The following ASTN2 variants were observed in gnomAD, a reference collection of about 807,000 sequenced individuals.
ASTN2 encodes astrotactin-2.
A neutral mutation model predicts 139.8 loss-of-function variants in ASTN2; 54 were observed. That is an observed-to-expected ratio of 0.39 (90% CI 0.31 to 0.48). The LOEUF (loss-of-function observed/expected upper bound fraction) is 0.48, where lower values mean the gene tolerates loss of function less well. Among genes scored for constraint, ASTN2 ranks in the 20% least tolerant of loss-of-function variants. The pLI, the probability that ASTN2 is intolerant of heterozygous loss-of-function variation, is 0.95. For missense variants in ASTN2, 1,565 were observed against 1,725.1 expected (o/e 0.91, Z 1.64); for synonymous variants, 756 against 719.5 (o/e 1.05, Z -0.81).
intron 5 of ASTN2, among the ~76,000 whole-genome samples, chr9:117,070,693 G>C (rs1221956849): frequency 6.8e-6 from 1 of 146,454 alleles, no homozygotes; most frequent in East Asian, 2.0e-4. Context: ...ATATTTCTTG[G>C]AGGCTTTGCT....
At chr9:116,830,986 G>C (rs914716318) in intron 11 of ASTN2, among the ~76,000 whole-genome samples, 4 of 148,540 alleles carry the variant, frequency 2.7e-5, no homozygotes, top group Non-Finnish European at 4.5e-5. Flanking sequence ...CCCACCCACA[G>C]ACACACCATG....
chr9:117,364,736 GA>G (rs1353075092), intron 1 of ASTN2, among the ~76,000 whole-genome samples: 1 of 151,958 alleles, frequency 6.6e-6, no homozygotes, highest in Non-Finnish European at 1.5e-5. Context: ...CTTAAGTTAC[GA>G]AGTCTATCAG....
chr9:117,234,889 G>A (rs559110693), intron 2 of ASTN2, among the ~76,000 whole-genome samples: 17 of 152,278 alleles, frequency 1.1e-4, no homozygotes, highest in African/African-American at 3.8e-4. Context: ...ATATATCAGC[G>A]ATTTCAAGGG....
intron 19 of ASTN2, among the ~76,000 whole-genome samples, chr9:116,523,211 T>A (rs1850952759): frequency 1.3e-5 from 2 of 152,130 alleles, no homozygotes; most frequent in South Asian, 4.1e-4. Flanking sequence ...ACCTTTTTTT[T>A]TTTTTAACGA....
At chr9:117,394,514 A>C (rs183349765) in intron 1 of ASTN2, among the ~76,000 whole-genome samples, 86 of 152,318 alleles carry the variant, frequency 5.6e-4, no homozygotes, top group African/African-American at 2.0e-3. Context: ...AGATAAATAA[A>C]GTGTCCTGAA....
rs569285256 is a variant in ASTN2, at chr9:117,394,985, C to T, written c.442+19512G>A. 5.4e-4 allele frequency among the ~76,000 whole-genome samples: 82 copies of T among 152,046 alleles called. 2 individuals are homozygous for T. The highest frequency in any genetic ancestry group is 1.0e-4 in the Non-Finnish European group (7 of 67,994). On this transcript the variant is annotated intron_variant, in intron 1 of 22. Coordinates refer to ENST00000313400, the MANE Select transcript of ASTN2 (RefSeq NM_001365068.1). ...GGGAGAGTGATGAGGGTGGTGGAAA[C>T]GAGGAAAGAGCATGGGGGAAATGAG...
chr9:116,751,427 T>A (rs1829399442), intron 13 of ASTN2, among the ~76,000 whole-genome samples: 1 of 152,208 alleles, frequency 6.6e-6, no homozygotes, highest in Non-Finnish European at 1.5e-5. Flanking sequence ...TCCTGATATG[T>A]AATGGGGACA....
chr9:116,729,099 G>A lies in ASTN2; in HGVS notation c.2522-3C>T, dbSNP rs56283051. Reference sequence around the variant, plus strand: ...GGCCTCATCATACCTGATATCTCCTGGGAGAGAAAATAAGATGGTCACGTG... The same window carrying A: ...GGCCTCATCATACCTGATATCTCCTAGGAGAGAAAATAAGATGGTCACGTG... On this transcript the variant is annotated splice_region_variant and splice_polypyrimidine_tract_variant and intron_variant, in intron 14 of 22. Coordinates refer to ENST00000313400, the MANE Select transcript of ASTN2 (RefSeq NM_001365068.1). 8.4e-3 allele frequency: 13,205 copies of A among 1,575,526 alleles called. 952 individuals carry two copies. In the African/African-American group the frequency reaches 0.16, roughly 19 times the overall value.
intron 11 of ASTN2, among the ~76,000 whole-genome samples, chr9:116,827,241 G>A (rs1417108202): frequency 1.3e-5 from 2 of 150,758 alleles, no homozygotes; most frequent in Admixed American, 1.3e-4. Flanking sequence ...CCCAGGAGGC[G>A]GAGGTTGCAA....
At chr9:117,180,550 T>C (rs771762916) in intron 3 of ASTN2, 2 of 688,494 alleles carry the variant, frequency 2.9e-6, no homozygotes, top group Non-Finnish European at 4.9e-6. Context: ...TATCCATATT[T>C]CAGCACACTC....
chr9:116,982,665 A>G (rs1197975725), intron 7 of ASTN2, among the ~76,000 whole-genome samples: 1 of 152,094 alleles, frequency 6.6e-6, no homozygotes, highest in Non-Finnish European at 1.5e-5. Flanking sequence ...TTTTGGGCTC[A>G]AGAGATCCTC....
chr9:116,533,133 G>A (rs1303844644), intron 19 of ASTN2, among the ~76,000 whole-genome samples: 1 of 152,172 alleles, frequency 6.6e-6, no homozygotes, highest in Admixed American at 6.5e-5. Flanking sequence ...TTGTGAATGG[G>A]AGTTCACTTA....
At chr9:117,156,349 T>C (rs1460657740) in intron 3 of ASTN2, among the ~76,000 whole-genome samples, 1 of 152,040 alleles carries the variant, frequency 6.6e-6, no homozygotes, top group African/African-American at 2.4e-5. Context: ...GGAAAACTGA[T>C]CCTGAGAGAG....
intron 1 of ASTN2, among the ~76,000 whole-genome samples, chr9:117,403,116 C>T (rs1174632679): frequency 6.6e-6 from 1 of 152,142 alleles, no homozygotes; most frequent in African/African-American, 2.4e-5. Flanking sequence ...AATACACTTG[C>T]TGAAGTTCAG....
chr9:116,562,936 A>G (rs931421385), intron 19 of ASTN2, among the ~76,000 whole-genome samples: 4 of 152,146 alleles, frequency 2.6e-5, no homozygotes, highest in African/African-American at 9.7e-5. Flanking sequence ...TTGGTCTTAA[A>G]GACACAGAGG....
At chr9:116,427,467 T>C (rs933318678) in intron 22 of ASTN2, among the ~76,000 whole-genome samples, 1 of 152,216 alleles carries the variant, frequency 6.6e-6, no homozygotes, top group Non-Finnish European at 1.5e-5. Context: ...AGTGTCAAGG[T>C]GTCTGTCTCC....
intron 10 of ASTN2, among the ~76,000 whole-genome samples, chr9:116,873,836 T>C (rs1833227184): frequency 6.6e-6 from 1 of 152,208 alleles, no homozygotes; most frequent in Admixed American, 6.5e-5. Context: ...CTTCACTGTC[T>C]TCCTGCTGTT....
chr9:116,532,080 G>A (rs12339801), intron 19 of ASTN2, among the ~76,000 whole-genome samples: 47,677 of 152,096 alleles, frequency 0.31, 8,630 homozygotes, highest in Admixed American at 0.44. Flanking sequence ...AGATGGTATC[G>A]CATTGTAGTT....
At chr9:117,134,971 G>A (rs913376678) in intron 4 of ASTN2, among the ~76,000 whole-genome samples, 2 of 152,214 alleles carry the variant, frequency 1.3e-5, no homozygotes, top group South Asian at 2.1e-4. Flanking sequence ...TAAAAGCTGA[G>A]GGGACAGTGC....
Sources: allele counts gnomAD v4.1 joint callset (sites outside exome capture counted in the v4.1 genomes callset), GRCh38; gene constraint gnomAD v4.1.1; transcripts MANE v1.5; gene names NCBI Gene and HGNC (gene_info 2026-07-23, HGNC 2026-07-21).